The following FAM135B variants were observed in gnomAD, a reference collection of about 807,000 sequenced individuals.
FAM135B encodes the protein family with sequence similarity 135 member B.
Under a neutral mutation model 127.7 loss-of-function variants are expected in FAM135B, and 43 were observed. That is an observed-to-expected ratio of 0.34 (90% CI 0.26 to 0.43). The LOEUF (loss-of-function observed/expected upper bound fraction) is 0.43, where lower values mean the gene tolerates loss of function less well. Among genes scored for constraint, FAM135B ranks in the 20% least tolerant of loss-of-function variants. The pLI, the probability that FAM135B is intolerant of heterozygous loss-of-function variation, is 1.00. For synonymous variants in FAM135B, 670 were observed against 665.1 expected (o/e 1.01, Z -0.11); for missense variants, 1,558 against 1,725.6 (o/e 0.90, Z 1.72).
intron 1 of FAM135B, among the ~76,000 whole-genome samples, chr8:138,458,474 G>T (rs1447370408): frequency 6.6e-6 from 1 of 152,202 alleles, no homozygotes; most frequent in Non-Finnish European, 1.5e-5. Context: ...TTGCTATGGG[G>T]AAGAAGGAGC....
At chr8:138,166,995 C>T (rs1819991005) in intron 12 of FAM135B, among the ~76,000 whole-genome samples, 1 of 151,966 alleles carries the variant, frequency 6.6e-6, no homozygotes. Context: ...GACACCATCC[C>T]ATCTCAGGGC....
chr8:138,255,204 C>CTCT (rs1277798783), intron 5 of FAM135B, among the ~76,000 whole-genome samples: 1 of 151,896 alleles, frequency 6.6e-6, no homozygotes, highest in Non-Finnish European at 1.5e-5. Flanking sequence ...CAAGTCTGAA[C>CTCT]TTTGAAGGGA....
chr8:138,350,231 G>A lies in FAM135B; in HGVS notation c.77+17676C>T, dbSNP rs544759061. 1.0e-3 allele frequency among the ~76,000 whole-genome samples: 159 copies of A among 152,226 alleles called. 1 individual carries two copies. The highest frequency in any genetic ancestry group is 3.8e-3 in the African/African-American group (157 of 41,522). On this transcript the variant is annotated intron_variant, in intron 2 of 19. Transcript: ENST00000395297. The stretch of plus-strand genomic sequence containing the variant: ...AGATGAAACCCAGAATATGTTACAT[G>A]AAGTGCTTCATGTAAACAGACAGCA...
intron 12 of FAM135B, among the ~76,000 whole-genome samples, chr8:138,156,230 G>T (rs934647692): frequency 1.3e-5 from 2 of 152,170 alleles, no homozygotes; most frequent in Admixed American, 6.5e-5. Flanking sequence ...CAGAAATAAA[G>T]ATGTTCTTTG....
At chr8:138,297,841 A>G (rs1825583398) in intron 3 of FAM135B, among the ~76,000 whole-genome samples, 4 of 152,234 alleles carry the variant, frequency 2.6e-5, no homozygotes, top group Non-Finnish European at 5.9e-5. Flanking sequence ...GGGGGTCAGG[A>G]TGAAGCTCAG....
At chr8:138,462,741 C>A (rs569813775) in intron 1 of FAM135B, among the ~76,000 whole-genome samples, 21 of 152,256 alleles carry the variant, frequency 1.4e-4, no homozygotes, top group African/African-American at 4.8e-4. Flanking sequence ...GGGAATTATG[C>A]ATCTGGCAAG....
At chr8:138,186,356 G>A (rs117292040) in intron 9 of FAM135B, among the ~76,000 whole-genome samples, 1 of 152,170 alleles carries the variant, frequency 6.6e-6, no homozygotes, top group Non-Finnish European at 1.5e-5. Context: ...ATTGTATGGA[G>A]TAAAGATTCA....
intron 1 of FAM135B, among the ~76,000 whole-genome samples, chr8:138,467,661 C>T (rs1220686276): frequency 6.6e-6 from 1 of 152,114 alleles, no homozygotes; most frequent in Non-Finnish European, 1.5e-5. Flanking sequence ...AGCAAACTGG[C>T]TCACACTCTC....
At chr8:138,188,796 T>C (rs1815827317) in intron 9 of FAM135B, among the ~76,000 whole-genome samples, 2 of 152,162 alleles carry the variant, frequency 1.3e-5, no homozygotes, top group South Asian at 4.1e-4. Flanking sequence ...AGGCTCCGTA[T>C]TCTCTCCAGG....
chr8:138,424,001 G>A (rs930922476), intron 1 of FAM135B, among the ~76,000 whole-genome samples: 24 of 152,158 alleles, frequency 1.6e-4, no homozygotes, highest in African/African-American at 5.3e-4. Flanking sequence ...CTCACCAGCG[G>A]TTGGAGTTTA....
intron 1 of FAM135B, among the ~76,000 whole-genome samples, chr8:138,488,896 A>T (rs1301234319): frequency 6.6e-6 from 1 of 152,006 alleles, no homozygotes; most frequent in African/African-American, 2.4e-5. Flanking sequence ...CGAGGTCCTG[A>T]CCTGGTGATC....
Position 138,247,687 on chromosome 8 carries a change from C to T in FAM135B, c.542+3154G>A, listed in dbSNP as rs146674405. The stretch of plus-strand genomic sequence containing the variant: ...GCATAAACACTTTGCATCACCAAAC[C>T]GGCCTCCAATCTGATGTAACTTCCA... On this transcript the variant is annotated intron_variant, in intron 6 of 19. Coordinates refer to ENST00000395297, the MANE Select transcript of FAM135B (RefSeq NM_015912.4). Among the ~76,000 whole-genome samples, 23 of 152,284 alleles carry T rather than the reference C, an allele frequency of 1.5e-4. 1 individual carries two copies. Among genetic ancestry groups the T allele is most frequent in the African/African-American group, 4.6e-4 (19 of 41,568 alleles).
chr8:138,349,027 C>T (rs910292393), intron 2 of FAM135B, among the ~76,000 whole-genome samples: 11 of 152,234 alleles, frequency 7.2e-5, no homozygotes, highest in Non-Finnish European at 1.3e-4. Context: ...GGCAGGAGGT[C>T]ATCCAAAAGT....
intron 7 of FAM135B, among the ~76,000 whole-genome samples, chr8:138,210,069 C>T (rs188305368): frequency 2.0e-5 from 3 of 152,292 alleles, no homozygotes; most frequent in East Asian, 3.9e-4. Context: ...AATGATTACT[C>T]CCATCTCTGA....
At position 138,137,154 on chromosome 8, in the gene FAM135B, T is replaced by A; in HGVS notation, c.4008A>T (p.Arg1336Ser). Residue 1336 changes from arginine to serine, a missense_variant, in exon 19 of 20, where the codon AGA becomes AGT. Around this residue, in one of 5 missense-constraint regions of FAM135B, gnomAD observed 194 missense variants for 333.8 expected, o/e 0.58. Coordinates refer to ENST00000395297, the MANE Select transcript of FAM135B (RefSeq NM_015912.4). ...AAATTAAATGTAGCTTACCTGTGTG[T>A]CTGTCTTTGAGGGCAGTTTTACACA... ...IEMCKTALKD[R>S]HTGPVYAEMI... The A allele has an allele frequency of 6.6e-7, 1 of 1,517,912 alleles. No individual in the cohort carries two copies. Among genetic ancestry groups the A allele is most frequent in the Non-Finnish European group, 9.2e-7 (1 of 1,091,988 alleles). 94.0% of individuals were successfully genotyped at this position (1,517,912 alleles called of 1,614,324 possible). A position where few individuals can be genotyped will look rare whatever the true frequency, so the allele number is the denominator to read the frequency against.
At chr8:138,199,142 A>C (rs1000080049) in intron 7 of FAM135B, among the ~76,000 whole-genome samples, 1 of 152,170 alleles carries the variant, frequency 6.6e-6, no homozygotes, top group African/African-American at 2.4e-5. Flanking sequence ...TGGGTGGGCA[A>C]GTCTCCTGGA....
At chr8:138,337,857 T>C (rs1265505988) in intron 2 of FAM135B, among the ~76,000 whole-genome samples, 1 of 152,144 alleles carries the variant, frequency 6.6e-6, no homozygotes, top group Non-Finnish European at 1.5e-5. Context: ...GACTTCAAAC[T>C]ATACTGCAAG....
intron 2 of FAM135B, among the ~76,000 whole-genome samples, chr8:138,353,386 C>T (rs1007844589): frequency 6.6e-6 from 1 of 152,118 alleles, no homozygotes; most frequent in Admixed American, 6.6e-5. Context: ...CTTTTTGGTC[C>T]TTATACCCTT....
At position 138,141,134 on chromosome 8, in the gene FAM135B, C is replaced by G. The variant is rs1325677694; in HGVS notation, c.3790+64G>C. 2 of 1,534,554 alleles carry G rather than the reference C, an allele frequency of 1.3e-6. No individual in the cohort carries two copies. The highest frequency in any genetic ancestry group is 8.9e-7 in the Non-Finnish European group (1 of 1,117,930). ...GGTTCCAAGTGGAAGTACCTGTGCCCGGTTTCACGCCCCAGAGGCCCCAGA... is the reference window on the plus strand; with the variant it reads ...GGTTCCAAGTGGAAGTACCTGTGCCGGGTTTCACGCCCCAGAGGCCCCAGA... On this transcript the variant is annotated intron_variant, in intron 17 of 19. Transcript: ENST00000395297. This position sits in a 1 kb window ranked among gnomAD's most constrained non-coding sequence, Gnocchi z 4.7.
Sources: allele counts gnomAD v4.1 joint callset (sites outside exome capture counted in the v4.1 genomes callset), GRCh38; gene constraint gnomAD v4.1.1; regional missense constraint gnomAD v4.1.1; non-coding constraint Gnocchi (gnomAD v3.1); transcripts MANE v1.5; gene names NCBI Gene and HGNC (gene_info 2026-07-23, HGNC 2026-07-21).